ANKRD26: variants seen among roughly 807,000 people sequenced by gnomAD.
The protein encoded by ANKRD26 is ankyrin repeat domain 26.
Under a neutral mutation model 208.7 loss-of-function variants are expected in ANKRD26, and 141 were observed. That is an observed-to-expected ratio of 0.68 (90% CI 0.59 to 0.78). The LOEUF (loss-of-function observed/expected upper bound fraction) is 0.78, where lower values mean the gene tolerates loss of function less well. Ranked by LOEUF, ANKRD26 falls within the 30% of genes least tolerant of loss-of-function variation. The pLI is 0.00. For synonymous variants in ANKRD26, 636 were observed against 660.4 expected, an observed-to-expected ratio of 0.96 and a Z score of 0.57; for missense variants, 1,889 against 1,938.7, an observed-to-expected ratio of 0.97 and a Z score of 0.48.
chr10:27,046,568 A>G (rs1252836041), intron 17 of ANKRD26, 45 bp from the exon 18 acceptor site: 1 of 1,585,034 alleles, frequency 6.3e-7, no homozygotes, highest in Non-Finnish European at 8.6e-7. Context: ...AGAAAAAAGA[A>G]AAAAAGAAAC....
chr10:26,988,961 G>A (rs113217185), downstream of ANKRD26, among the ~76,000 whole-genome samples: 4 of 152,182 alleles, frequency 2.6e-5, no homozygotes, highest in African/African-American at 9.6e-5. Flanking sequence ...ATGGTGGTGG[G>A]GAAGGGGAGT....
intron 24 of ANKRD26, 122 bp from the exon 25 acceptor site, chr10:27,033,499 A>G (rs1411814627): frequency 2.0e-6 from 2 of 983,400 alleles, no homozygotes; most frequent in Non-Finnish European, 3.0e-6. Flanking sequence ...TACCACATAC[A>G]TTGATTCACC....
chr10:27,003,416 A>G (rs533565593), downstream of ANKRD26, among the ~76,000 whole-genome samples: 2 of 152,334 alleles, frequency 1.3e-5, no homozygotes, highest in East Asian at 3.9e-4. Flanking sequence ...TTTGGCAACC[A>G]TCATAATAAT....
chr10:27,038,921 T>C (rs1031373738), intron 21 of ANKRD26, among the ~76,000 whole-genome samples: 7 of 152,180 alleles, frequency 4.6e-5, no homozygotes, highest in African/African-American at 9.6e-5. Flanking sequence ...ATACTTTTTA[T>C]GTTTCTTTTT....
chr10:26,986,935 T>C (rs1266125365), downstream of ANKRD26, among the ~76,000 whole-genome samples: 4 of 152,232 alleles, frequency 2.6e-5, no homozygotes, highest in African/African-American at 9.6e-5. Context: ...ACTGGGTATA[T>C]ACCCAAAGGA....
intron 3 of ANKRD26, among the ~76,000 whole-genome samples, chr10:26,982,834 G>C (rs988830351): frequency 2.0e-5 from 3 of 152,094 alleles, no homozygotes; most frequent in Non-Finnish European, 2.9e-5. Flanking sequence ...AAACAGGACA[G>C]AACACAAATT....
chr10:26,994,851 C>T (rs1329236280), intron 5 of ANKRD26, among the ~76,000 whole-genome samples: 1 of 152,208 alleles, frequency 6.6e-6, no homozygotes, highest in Non-Finnish European at 1.5e-5. Flanking sequence ...CTGTCAGGGC[C>T]TATGTTCACA....
intron 28 of ANKRD26, among the ~76,000 whole-genome samples, chr10:27,023,839 T>C (rs971243600): frequency 6.6e-6 from 1 of 152,148 alleles, no homozygotes; most frequent in African/African-American, 2.4e-5. Context: ...CTCATTTCAC[T>C]CTTAAATCAT....
intron 16 of ANKRD26, among the ~76,000 whole-genome samples, chr10:27,052,870 A>G (rs982299289): frequency 1.3e-5 from 2 of 152,160 alleles, no homozygotes; most frequent in Admixed American, 1.3e-4. Context: ...TAACCTTGGA[A>G]TCAGTGACCA....
chr10:26,949,034 G>A, the ANKRD26 span, among the ~76,000 whole-genome samples: 1 of 152,074 alleles, frequency 6.6e-6, no homozygotes, highest in African/African-American at 2.4e-5. Context: ...AGTATTTACT[G>A]TAAATTCAGC....
chr10:26,988,719 G>A (rs2052432355), downstream of ANKRD26, among the ~76,000 whole-genome samples: 1 of 151,960 alleles, frequency 6.6e-6, no homozygotes. Flanking sequence ...TAAATATTAT[G>A]CTATTGTTTA....
At chr10:27,020,536 A>G (rs1239914501) in intron 29 of ANKRD26, among the ~76,000 whole-genome samples, 1 of 145,650 alleles carries the variant, frequency 6.9e-6, no homozygotes, top group African/African-American at 2.8e-5. Context: ...TCTTTTTAGC[A>G]CTTGCATACG....
chr10:27,048,639 TATCTCATTGTTTGCTAATTTGC>T (rs1231435065), intron 17 of ANKRD26, among the ~76,000 whole-genome samples, 140 bp downstream of exon 17: 1 of 152,188 alleles, frequency 6.6e-6, no homozygotes, highest in Non-Finnish European at 1.5e-5. Context: ...AAAAAACTGG[TATCTCATTGTTTGCTAATTTGC>T]ATTTTTCTAA....
Position 27,092,513 on chromosome 10 carries a change from C to T in ANKRD26, c.532-1G>A, listed in dbSNP as rs1293017094. ...CAAGTAAAAGTGGTGTGAGGTCATC[C>T]TGTAAGACAGCAAAAACAAGTTAAA... On this transcript the variant is annotated splice_acceptor_variant, in intron 3 of 33. Transcript: ENST00000376087. LOFTEE classifies it high-confidence loss of function. The T allele has an allele frequency of 6.2e-7, 1 of 1,610,042 alleles. No individual in the cohort carries two copies. Among genetic ancestry groups the T allele is most frequent in the African/African-American group, 1.3e-5 (1 of 74,936 alleles).
chr10:26,998,030 T>C (rs1285657314), intron 4 of ANKRD26, among the ~76,000 whole-genome samples: 1 of 152,184 alleles, frequency 6.6e-6, no homozygotes. Context: ...TTGCTTTAAC[T>C]GTAGATGTAT....
At chr10:26,995,555 G>A (rs1362055573) in intron 4 of ANKRD26, among the ~76,000 whole-genome samples, 2 of 152,160 alleles carry the variant, frequency 1.3e-5, no homozygotes, top group Admixed American at 6.5e-5. Context: ...AAGTTGGTGG[G>A]CAAGGGAGAA....
At chr10:27,060,594 T>C in intron 13 of ANKRD26, 54 bp from the exon 14 acceptor site, 9 of 1,270,458 alleles carry the variant, frequency 7.1e-6, no homozygotes, top group Non-Finnish European at 1.0e-5. Context: ...ACAAAGTCAA[T>C]CATAAATTCA....
intron 9 of ANKRD26, among the ~76,000 whole-genome samples, chr10:27,068,261 A>C (rs1410390235): frequency 6.6e-6 from 1 of 152,174 alleles, no homozygotes; most frequent in African/African-American, 2.4e-5. Context: ...ATGGTTTTAC[A>C]AGTGTTTGGT....
intron 11 of ANKRD26, among the ~76,000 whole-genome samples, chr10:27,065,290 T>C (rs893253002): frequency 6.6e-6 from 1 of 152,232 alleles, no homozygotes; most frequent in Admixed American, 6.5e-5. Context: ...TAGTAGAGCA[T>C]AAGCCCCCAC....
Sources: gnomAD v4.1 joint callset for allele counts (sites outside exome capture counted in the v4.1 genomes callset) on GRCh38, gnomAD v4.1.1 for gene constraint, MANE v1.5 for transcripts, NCBI Gene and HGNC (gene_info 2026-07-23, HGNC 2026-07-21) for gene names.